The following RBFOX1 variants were observed in gnomAD, a reference collection of about 807,000 sequenced individuals.
The protein encoded by RBFOX1 is RNA binding fox-1 homolog 1.
A neutral mutation model predicts 57.7 loss-of-function variants in RBFOX1; 8 were observed. The ratio of observed to expected loss-of-function variants is 0.14; its 90% CI spans 0.08 to 0.25. RBFOX1 has a LOEUF of 0.25. RBFOX1 is among the 10% of genes least tolerant of loss of function. RBFOX1 has a pLI of 1.00. For missense variants in RBFOX1, 611 were observed against 548.5 expected (o/e 1.11, Z -1.14); for synonymous variants, 326 against 222.4 (o/e 1.47, Z -4.15).
intron 1 of RBFOX1, among the ~76,000 whole-genome samples, chr16:6,315,926 T>A (rs2081063385): frequency 6.6e-6 from 1 of 152,228 alleles, no homozygotes; most frequent in Non-Finnish European, 1.5e-5. Flanking sequence ...TTTATATGTA[T>A]ATCTGTATAT....
chr16:6,651,503 AAATAG>A (rs1169674209), intron 2 of RBFOX1, among the ~76,000 whole-genome samples: 1 of 152,126 alleles, frequency 6.6e-6, no homozygotes. Context: ...GGTTCTGTTA[AAATAG>A]AAGTCAGATC....
At chr16:5,587,714 A>G (rs1380668583) in intron 2 of RBFOX1, among the ~76,000 whole-genome samples, 1 of 152,150 alleles carries the variant, frequency 6.6e-6, no homozygotes, top group African/African-American at 2.4e-5. Flanking sequence ...CTCTGTCTCG[A>G]AAAAGTCAGA....
chr16:5,909,234 A>G (rs931323836), intron 4 of RBFOX1, among the ~76,000 whole-genome samples: 129 of 151,558 alleles, frequency 8.5e-4, no homozygotes, highest in African/African-American at 3.0e-3. Flanking sequence ...CTGGGACTAC[A>G]GGCACCCACC....
chr16:6,793,650 C>A (rs1295274856), intron 3 of RBFOX1, among the ~76,000 whole-genome samples: 4 of 152,068 alleles, frequency 2.6e-5, no homozygotes, highest in Non-Finnish European at 5.9e-5. Flanking sequence ...AAATCTTGAG[C>A]CAAAGTATTA....
chr16:5,487,075 G>C (rs980238316), intron 2 of RBFOX1, among the ~76,000 whole-genome samples: 2 of 152,102 alleles, frequency 1.3e-5, no homozygotes, highest in African/African-American at 2.4e-5. Context: ...TCCTCTTTCA[G>C]GGATCAGTGT....
At chr16:7,316,920 G>T (rs1313728593) in intron 4 of RBFOX1, among the ~76,000 whole-genome samples, 1 of 151,368 alleles carries the variant, frequency 6.6e-6, no homozygotes, top group Non-Finnish European at 1.5e-5. Flanking sequence ...TGGAAATCTT[G>T]ACCTAGAGTT....
intron 2 of RBFOX1, among the ~76,000 whole-genome samples, chr16:6,469,164 C>G (rs190932735): frequency 1.3e-5 from 2 of 152,018 alleles, no homozygotes; most frequent in African/African-American, 4.8e-5. Flanking sequence ...TGAAGAGATC[C>G]TGGTAGAAAA....
chr16:5,638,318 T>C (rs1324762043), intron 3 of RBFOX1, among the ~76,000 whole-genome samples: 4 of 152,170 alleles, frequency 2.6e-5, no homozygotes, highest in African/African-American at 4.8e-5. Flanking sequence ...TTTTCTATCT[T>C]GCCTTATGAC....
chr16:7,473,247 G>A (rs1264870009), intron 4 of RBFOX1, among the ~76,000 whole-genome samples: 16 of 151,720 alleles, frequency 1.1e-4, no homozygotes, highest in South Asian at 2.1e-4. Context: ...GCATGGTGGC[G>A]GGTGCCTGTA....
chr16:7,600,280 A>G (rs1377098430), intron 9 of RBFOX1, among the ~76,000 whole-genome samples: 1 of 152,216 alleles, frequency 6.6e-6, no homozygotes, highest in Non-Finnish European at 1.5e-5. Flanking sequence ...ATTTATTTAA[A>G]ACACAAATGT....
chr16:5,556,087 C>G (rs2045664377), intron 2 of RBFOX1, among the ~76,000 whole-genome samples: 1 of 152,144 alleles, frequency 6.6e-6, no homozygotes, highest in African/African-American at 2.4e-5. Context: ...TCCCTGTATT[C>G]TACTGCTATG....
intron 4 of RBFOX1, among the ~76,000 whole-genome samples, chr16:5,919,919 A>T (rs1171883286): frequency 6.6e-6 from 1 of 151,968 alleles, no homozygotes; most frequent in African/African-American, 2.4e-5. Flanking sequence ...TTCAAGGTTC[A>T]TCCATATTGA....
intron 3 of RBFOX1, among the ~76,000 whole-genome samples, chr16:6,875,393 C>T (rs988775736): frequency 1.2e-4 from 18 of 152,118 alleles, no homozygotes; most frequent in African/African-American, 4.1e-4. Context: ...TTCTCTGAAG[C>T]TGGTAGTGGT....
chr16:6,320,043 A>G (rs909990189), intron 2 of RBFOX1, among the ~76,000 whole-genome samples: 1 of 152,166 alleles, frequency 6.6e-6, no homozygotes, highest in Non-Finnish European at 1.5e-5. Context: ...AATTGCGTCA[A>G]TTTCAAAAGC....
At chr16:5,320,261 T>A (rs1009021471) in intron 1 of RBFOX1, among the ~76,000 whole-genome samples, 1 of 152,150 alleles carries the variant, frequency 6.6e-6, no homozygotes, top group Non-Finnish European at 1.5e-5. Context: ...GAACTGTATC[T>A]TGAAGGAAAA....
intron 3 of RBFOX1, among the ~76,000 whole-genome samples, chr16:6,971,224 A>T (rs2085466300): frequency 1.3e-5 from 2 of 152,196 alleles, no homozygotes; most frequent in African/African-American, 4.8e-5. Flanking sequence ...AGGTGTGCTA[A>T]AAGGCAGCTG....
intron 3 of RBFOX1, among the ~76,000 whole-genome samples, chr16:7,000,550 A>G (rs1305563049): frequency 6.6e-6 from 1 of 151,452 alleles, no homozygotes; most frequent in Non-Finnish European, 1.5e-5. Flanking sequence ...GCTTTTGGCA[A>G]AAACACATAA....
At chr16:7,439,100 G>T (rs917828625) in intron 4 of RBFOX1, among the ~76,000 whole-genome samples, 1 of 152,188 alleles carries the variant, frequency 6.6e-6, no homozygotes, top group Non-Finnish European at 1.5e-5. Flanking sequence ...GCACAGAGGA[G>T]CATGGTCCTC....
chr16:6,782,734 A>T (rs964953985), intron 3 of RBFOX1, among the ~76,000 whole-genome samples: 4 of 152,084 alleles, frequency 2.6e-5, no homozygotes, highest in Non-Finnish European at 4.4e-5. Flanking sequence ...GTAAATGTCT[A>T]TTGATCAATT....
Sources: allele counts gnomAD v4.1 joint callset (sites outside exome capture counted in the v4.1 genomes callset), GRCh38; gene constraint gnomAD v4.1.1; transcripts MANE v1.5; gene names NCBI Gene and HGNC (gene_info 2026-07-23, HGNC 2026-07-21).